RFX7: variants seen among roughly 807,000 people sequenced by gnomAD.
RFX7 encodes DNA-binding protein RFX7.
Under a neutral mutation model 111.8 loss-of-function variants are expected in RFX7, and 26 were observed. That is an observed-to-expected ratio of 0.23 (90% confidence interval 0.17 to 0.32). The LOEUF is 0.32. Ranked by LOEUF, RFX7 falls within the 10% of genes least tolerant of loss-of-function variation. The pLI is 1.00. For synonymous variants in RFX7, 624 were observed against 624.4 expected, an observed-to-expected ratio of 1.00 and a Z score of 0.01; for missense variants, 1,573 against 1,772.9, an observed-to-expected ratio of 0.89 and a Z score of 2.02.
chr15:56,093,859 G>T lies in RFX7; in HGVS notation c.3869C>A (p.Ser1290Tyr). The T allele has an allele frequency of 6.2e-7, 1 of 1,613,918 alleles. No individual in the cohort carries two copies. Among genetic ancestry groups the T allele is most frequent in the Non-Finnish European group, 8.5e-7 (1 of 1,179,852 alleles). ...RMNLTQILEP[S>Y]TVFPSANPQN... ...TGGGTTGGCACTAGGAAAAACAGTG[G>T]AAGGTTCCAAAATCTGAGTGAGATT... Residue 1290 changes from serine to tyrosine, a missense_variant, in exon 10 of 10, where the codon TCC becomes TAC. Physicochemically the swap from Ser to Tyr is moderately radical, Grantham distance 144. Transcript: ENST00000559447.
intron 2 of RFX7, among the ~76,000 whole-genome samples, chr15:56,213,455 T>C (rs1391816886): frequency 6.6e-6 from 1 of 152,218 alleles, no homozygotes; most frequent in East Asian, 1.9e-4. Flanking sequence ...CTTATGATCC[T>C]ATCTACATAA....
At chr15:56,168,127 C>T (rs991997713) in intron 3 of RFX7, among the ~76,000 whole-genome samples, 1 of 152,104 alleles carries the variant, frequency 6.6e-6, no homozygotes. Context: ...AGTTTTAAAA[C>T]CTTAGGTAAA....
At chr15:56,109,764 G>T (rs1217955102) in intron 5 of RFX7, among the ~76,000 whole-genome samples, 6 of 151,166 alleles carry the variant, frequency 4.0e-5, no homozygotes, top group Non-Finnish European at 1.5e-5. Context: ...GAGACCCTCT[G>T]CCTGGCAACC....
chr15:56,123,408 C>G (rs1335730135), intron 5 of RFX7, among the ~76,000 whole-genome samples: 1 of 152,160 alleles, frequency 6.6e-6, no homozygotes, highest in Non-Finnish European at 1.5e-5. Context: ...GCCCGGTACC[C>G]TATACTACTG....
intron 8 of RFX7, among the ~76,000 whole-genome samples, chr15:56,099,515 T>C (rs2041725935): frequency 6.6e-6 from 1 of 152,138 alleles, no homozygotes; most frequent in African/African-American, 2.4e-5. Context: ...CAATGGCTCA[T>C]AGCTTGGCTG....
chr15:56,126,826 G>A (rs2042151764), intron 5 of RFX7, among the ~76,000 whole-genome samples: 1 of 152,024 alleles, frequency 6.6e-6, no homozygotes. Flanking sequence ...CCAAGAAGCT[G>A]TAACAATCGT....
chr15:56,190,279 GAGTGC>G (rs1195989300), intron 2 of RFX7, among the ~76,000 whole-genome samples: 1 of 152,160 alleles, frequency 6.6e-6, no homozygotes, highest in Admixed American at 6.5e-5. Flanking sequence ...CCACTGCTGG[GAGTGC>G]AGTGCAGTGC....
upstream of RFX7, among the ~76,000 whole-genome samples, chr15:56,244,439 T>G (rs1385800031): frequency 6.6e-6 from 1 of 152,008 alleles, no homozygotes; most frequent in Non-Finnish European, 1.5e-5. Context: ...TGGCCCCACT[T>G]TAACTATCCA....
At position 56,103,688 on chromosome 15, in the gene RFX7, A is replaced by C. The variant is rs1361326876; in HGVS notation, c.402-18T>G. 2.8e-6 allele frequency: 4 copies of C among 1,448,960 alleles called. No homozygotes were observed. The highest frequency in any genetic ancestry group is 1.2e-5 in the South Asian group (1 of 81,684). The allele number at this position is 1,448,960 out of a possible 1,614,324, so 89.8% of individuals were successfully genotyped here. A position where few individuals can be genotyped will look rare whatever the true frequency, so the allele number is the denominator to read the frequency against. On this transcript the variant is annotated intron_variant, in intron 5 of 9. Coordinates refer to ENST00000559447, the MANE Select transcript of RFX7 (RefSeq NM_022841.7). ...AATAGCTCCTGCAAAAGAAGGAAGGACCAATTTAGAGTGACAGAATTCAGA... is the reference window on the plus strand; with the variant it reads ...AATAGCTCCTGCAAAAGAAGGAAGGCCCAATTTAGAGTGACAGAATTCAGA...
chr15:56,179,675 C>G (rs995532726), intron 2 of RFX7, among the ~76,000 whole-genome samples: 32 of 151,718 alleles, frequency 2.1e-4, no homozygotes, highest in African/African-American at 7.5e-4. Context: ...ATTTGCTTAG[C>G]ACTTAAAAGT....
At chr15:56,206,062 G>C (rs2043247591) in intron 2 of RFX7, among the ~76,000 whole-genome samples, 1 of 152,106 alleles carries the variant, frequency 6.6e-6, no homozygotes. Flanking sequence ...ATTACCATAT[G>C]ATCCAGCAGT....
chr15:56,104,994 T>C (rs2041811409), intron 5 of RFX7, among the ~76,000 whole-genome samples: 1 of 152,190 alleles, frequency 6.6e-6, no homozygotes, highest in Admixed American at 6.5e-5. Flanking sequence ...AAGAGGTAAC[T>C]ATTTTGGGTG....
chr15:56,185,326 A>C (rs944459582), intron 2 of RFX7, among the ~76,000 whole-genome samples: 2 of 152,186 alleles, frequency 1.3e-5, no homozygotes, highest in African/African-American at 4.8e-5. Flanking sequence ...CCCAAGTCAC[A>C]GTCATATTTT....
At chr15:56,216,059 C>T (rs1010515871) in intron 2 of RFX7, among the ~76,000 whole-genome samples, 2 of 152,198 alleles carry the variant, frequency 1.3e-5, no homozygotes, top group Non-Finnish European at 2.9e-5. Flanking sequence ...TGAAGTCCCA[C>T]ACCACCATGT....
intron 3 of RFX7, among the ~76,000 whole-genome samples, chr15:56,148,612 A>G (rs1366918250): frequency 6.6e-6 from 1 of 152,210 alleles, no homozygotes; most frequent in African/African-American, 2.4e-5. Flanking sequence ...AACTAGTAAC[A>G]TGAAGCTAAT....
chr15:56,124,097 A>T (rs2042111636), intron 5 of RFX7, among the ~76,000 whole-genome samples: 1 of 152,048 alleles, frequency 6.6e-6, no homozygotes, highest in African/African-American at 2.4e-5. Flanking sequence ...GGAGGCTTCT[A>T]TTTGGCCATC....
intron 2 of RFX7, among the ~76,000 whole-genome samples, chr15:56,184,031 T>C (rs1369460946): frequency 6.6e-6 from 1 of 151,788 alleles, no homozygotes; most frequent in Non-Finnish European, 1.5e-5. Flanking sequence ...TTGTTTTTTT[T>C]TTTTTTGAGA....
At chr15:56,233,985 A>T (rs1368601561) in intron 2 of RFX7, among the ~76,000 whole-genome samples, 2 of 152,216 alleles carry the variant, frequency 1.3e-5, no homozygotes, top group African/African-American at 4.8e-5. Flanking sequence ...GCTCACTGTC[A>T]TCATAACTCT....
At chr15:56,208,275 T>A (rs12441580) in intron 2 of RFX7, among the ~76,000 whole-genome samples, 10,213 of 152,178 alleles carry the variant, frequency 0.067, 462 homozygotes, top group Admixed American at 0.11. Flanking sequence ...ATAACTGACC[T>A]GGGCAAAAGG....
Sources: allele counts gnomAD v4.1 joint callset (sites outside exome capture counted in the v4.1 genomes callset), GRCh38; gene constraint gnomAD v4.1.1; transcripts MANE v1.5; gene names NCBI Gene and HGNC (gene_info 2026-07-23, HGNC 2026-07-21).